ADAMTS6: variants seen among roughly 807,000 people sequenced by gnomAD.
The protein encoded by ADAMTS6 is ADAM metallopeptidase with thrombospondin type 1 motif 6.
ADAMTS6 carries 23 observed loss-of-function variants against 144.3 expected under a neutral mutation model. The observed-to-expected ratio is 0.16, with a 90% CI of 0.11 to 0.23. The LOEUF (loss-of-function observed/expected upper bound fraction) is 0.23, where lower values mean the gene tolerates loss of function less well. ADAMTS6 is among the 10% of genes least tolerant of loss of function. ADAMTS6 has a pLI of 1.00. For synonymous variants in ADAMTS6, 444 were observed against 457.5 expected, an observed-to-expected ratio of 0.97 and a Z score of 0.38; for missense variants, 999 against 1,379.6, an observed-to-expected ratio of 0.72 and a Z score of 4.37.
chr5:65,174,466 T>A (rs1753839242), intron 22 of ADAMTS6, among the ~76,000 whole-genome samples: 1 of 152,172 alleles, frequency 6.6e-6, no homozygotes, highest in African/African-American at 2.4e-5. Context: ...GTGGAACGCC[T>A]CGCCAGAGGA....
chr5:65,296,778 T>C (rs1022024367), intron 10 of ADAMTS6, among the ~76,000 whole-genome samples: 1 of 152,222 alleles, frequency 6.6e-6, no homozygotes, highest in African/African-American at 2.4e-5. Flanking sequence ...TGTGAAAATG[T>C]CTACTCTGTA....
chr5:65,323,643 TG>T (rs1745866491), intron 9 of ADAMTS6, among the ~76,000 whole-genome samples: 1 of 152,174 alleles, frequency 6.6e-6, no homozygotes, highest in Non-Finnish European at 1.5e-5. Flanking sequence ...AGTAATGGGA[TG>T]GCTGGGTCAA....
At chr5:65,253,394 G>A (rs1422703971) in intron 14 of ADAMTS6, among the ~76,000 whole-genome samples, 1 of 152,100 alleles carries the variant, frequency 6.6e-6, no homozygotes, top group African/African-American at 2.4e-5. Flanking sequence ...TTCTAATTAA[G>A]TTTCAAGAAA....
chr5:65,417,750 T>C (rs1755662107), intron 7 of ADAMTS6, among the ~76,000 whole-genome samples: 1 of 152,080 alleles, frequency 6.6e-6, no homozygotes, highest in African/African-American at 2.4e-5. Context: ...TGGGAAATAT[T>C]CCATAATCAT....
At chr5:65,316,529 T>A (rs1044181181) in intron 9 of ADAMTS6, among the ~76,000 whole-genome samples, 2 of 152,148 alleles carry the variant, frequency 1.3e-5, no homozygotes, top group East Asian at 3.8e-4. Flanking sequence ...AATGATACAA[T>A]TGAAAGATGA....
In ADAMTS6 at chr5:65,460,311, C is replaced by T. The variant is rs1173970150; in HGVS notation, c.490G>A (p.Glu164Lys). ...TTCTTTAAAGGTTCGATAAAATACT[C>T]TTCATCTTCTGTAGCAATAACACCA... is the stretch of plus-strand genomic sequence containing the variant. ...LHGVIATEDE[E>K]YFIEPLKNTT... The change falls in exon 4 of 25, where the codon GAG becomes AAG. Residue 164 changes from glutamate to lysine, a missense_variant. Physicochemically the swap from Glu to Lys is moderately conservative, Grantham distance 56. Coordinates refer to ENST00000381055, the MANE Select transcript of ADAMTS6 (RefSeq NM_197941.4). 5 of 1,612,730 alleles carry T rather than the reference C, an allele frequency of 3.1e-6. No homozygotes were observed. Among genetic ancestry groups the T allele is most frequent in the Non-Finnish European group, 4.2e-6 (5 of 1,179,348 alleles).
At chr5:65,438,550 A>T (rs1182392142) in intron 7 of ADAMTS6, among the ~76,000 whole-genome samples, 9 of 152,272 alleles carry the variant, frequency 5.9e-5, no homozygotes, top group Middle Eastern at 6.8e-3. Context: ...TACATAAAAA[A>T]ATAAGAAACA....
chr5:65,297,443 C>T (rs1742947565), intron 10 of ADAMTS6, among the ~76,000 whole-genome samples: 2 of 152,142 alleles, frequency 1.3e-5, no homozygotes, highest in African/African-American at 4.8e-5. Flanking sequence ...TATACAGCTA[C>T]TAAGTAGAGA....
chr5:65,300,034 G>T lies in ADAMTS6; in HGVS notation c.1321C>A (p.Pro441Thr). The change falls in exon 10 of 25, where the codon CCT becomes ACT. Residue 441 changes from proline (P) to threonine (T), a missense_variant. By Grantham distance (38) the Pro-to-Thr change is conservative. Around this residue, in one of 3 missense-constraint regions of ADAMTS6, gnomAD observed 128 missense variants for 249.0 expected, o/e 0.51. Coordinates refer to ENST00000381055, the MANE Select transcript of ADAMTS6 (RefSeq NM_197941.4). ...CGACTGCAAGCAGACCAGGAAAAAGGATTGGTATTCGCAGTAATGTGAGCT... is the reference window on the plus strand; with the variant it reads ...CGACTGCAAGCAGACCAGGAAAAAGTATTGGTATTCGCAGTAATGTGAGCT... Reference protein sequence around the residue: ...MAAHITANTNPFSWSACSRDY... With the variant: ...MAAHITANTNTFSWSACSRDY... 1 of 1,614,064 alleles carries T rather than the reference G, an allele frequency of 6.2e-7. No homozygotes were observed. Among genetic ancestry groups the T allele is most frequent in the Non-Finnish European group, 8.5e-7 (1 of 1,180,002 alleles).
At chr5:65,180,740 C>G (rs1042442633) in intron 22 of ADAMTS6, among the ~76,000 whole-genome samples, 1 of 152,060 alleles carries the variant, frequency 6.6e-6, no homozygotes, top group Non-Finnish European at 1.5e-5. Flanking sequence ...CTATTGCCTT[C>G]AAGATAAAAA....
At chr5:65,372,388 C>G (rs898437079) in intron 7 of ADAMTS6, among the ~76,000 whole-genome samples, 22 of 151,712 alleles carry the variant, frequency 1.5e-4, no homozygotes, top group African/African-American at 4.9e-4. Flanking sequence ...CACACATAGG[C>G]TCAAAATAAA....
At chr5:65,179,746 C>CCT (rs1754219288) in intron 22 of ADAMTS6, among the ~76,000 whole-genome samples, 1 of 151,954 alleles carries the variant, frequency 6.6e-6, no homozygotes, top group Admixed American at 6.6e-5. Context: ...ATTTAGGAGA[C>CCT]AGACATGGAA....
chr5:65,383,516 C>A (rs1436641909), intron 7 of ADAMTS6, among the ~76,000 whole-genome samples: 1 of 152,170 alleles, frequency 6.6e-6, no homozygotes, highest in Non-Finnish European at 1.5e-5. Flanking sequence ...ATAATTGACT[C>A]CATGACTCAC....
intron 11 of ADAMTS6, among the ~76,000 whole-genome samples, chr5:65,286,701 A>T (rs529677385): frequency 5.3e-5 from 8 of 152,326 alleles, no homozygotes; most frequent in African/African-American, 1.7e-4. Context: ...AATAATTGAG[A>T]TTTGATTTAA....
At chr5:65,173,961 G>T (rs1306261717) in intron 22 of ADAMTS6, among the ~76,000 whole-genome samples, 3 of 150,750 alleles carry the variant, frequency 2.0e-5, no homozygotes, top group Admixed American at 6.6e-5. Flanking sequence ...GGCGGAGGTT[G>T]CAGTGAGCCG....
chr5:65,245,704 A>C (rs1331369388), intron 14 of ADAMTS6, among the ~76,000 whole-genome samples: 1 of 152,144 alleles, frequency 6.6e-6, no homozygotes, highest in Non-Finnish European at 1.5e-5. Flanking sequence ...AAGTTGTCAA[A>C]CTTTACCTCT....
At chr5:65,206,812 GT>G (rs531539313) in intron 20 of ADAMTS6, among the ~76,000 whole-genome samples, 68 of 141,616 alleles carry the variant, frequency 4.8e-4, no homozygotes, top group Admixed American at 6.4e-4. Flanking sequence ...TTTATATGCT[GT>G]TTTTTTTCTC....
intron 7 of ADAMTS6, among the ~76,000 whole-genome samples, chr5:65,360,380 T>C (rs1194752525): frequency 2.6e-5 from 4 of 152,078 alleles, no homozygotes; most frequent in African/African-American, 7.2e-5. Flanking sequence ...CCTCCAACAA[T>C]TGAACATGAG....
intron 10 of ADAMTS6, among the ~76,000 whole-genome samples, chr5:65,294,214 T>C (rs1742613561): frequency 6.6e-6 from 1 of 152,194 alleles, no homozygotes; most frequent in Non-Finnish European, 1.5e-5. Flanking sequence ...AGTTTTCCTG[T>C]TTTAATTCTT....
Sources: allele counts gnomAD v4.1 joint callset (sites outside exome capture counted in the v4.1 genomes callset), GRCh38; gene constraint gnomAD v4.1.1; regional missense constraint gnomAD v4.1.1; transcripts MANE v1.5; gene names NCBI Gene and HGNC (gene_info 2026-07-23, HGNC 2026-07-21).